Variants in ACSM5 observed in about 807,000 individuals in gnomAD.
ACSM5 encodes the protein acyl-coenzyme A synthetase ACSM5, mitochondrial.
ACSM5 carries 56 observed loss-of-function variants against 71.6 expected under a neutral mutation model. The observed-to-expected ratio is 0.78, with a 90% CI of 0.63 to 0.98. The LOEUF (loss-of-function observed/expected upper bound fraction) is 0.98. Among genes scored for constraint, ACSM5 ranks in the 50% least tolerant of loss-of-function variants. ACSM5 has a pLI of 0.00. For synonymous variants in ACSM5, 285 were observed against 281.5 expected, an observed-to-expected ratio of 1.01 and a Z score of -0.12; for missense variants, 723 against 726.0, an observed-to-expected ratio of 1.00 and a Z score of 0.05.
intron 12 of ACSM5, among the ~76,000 whole-genome samples, chr16:20,438,321 G>T (rs1390436718): frequency 2.0e-5 from 3 of 151,920 alleles, no homozygotes; most frequent in Admixed American, 6.6e-5. Flanking sequence ...CTCAAAGTCT[G>T]GTTCTTGGAC....
At chr16:20,430,795 A>G (rs138754323) in intron 8 of ACSM5, among the ~76,000 whole-genome samples, 198 bp from the exon 9 acceptor site, 12,522 of 150,740 alleles carry the variant, frequency 0.083, 648 homozygotes, top group East Asian at 0.18. Flanking sequence ...AGGAGTGAGC[A>G]AGGAAGAAAA....
chr16:20,418,044 T>A lies in ACSM5; in HGVS notation c.205-15T>A, dbSNP rs751668291. 4.3e-6 allele frequency: 7 copies of A among 1,609,652 alleles called. No homozygotes were observed. The highest frequency in any genetic ancestry group is 4.5e-5 in the East Asian group (2 of 44,856). ...TAAATTGCTTCTTTTTTTTTCTGCC[T>A]GTACCACCATCTAGGCTGGACACCG... On this transcript the variant is annotated splice_polypyrimidine_tract_variant and intron_variant, in intron 2 of 13. Coordinates refer to ENST00000331849, the MANE Select transcript of ACSM5 (RefSeq NM_017888.3).
At chr16:20,427,088 G>T (rs1307236824) in intron 6 of ACSM5, among the ~76,000 whole-genome samples, 1 of 151,830 alleles carries the variant, frequency 6.6e-6, no homozygotes, top group Non-Finnish European at 1.5e-5. Context: ...GAATCATGAG[G>T]TCAGGAGTTA....
At chr16:20,436,125 C>T (rs1346852932) in intron 10 of ACSM5, among the ~76,000 whole-genome samples, 35 of 81,590 alleles carry the variant, frequency 4.3e-4, no homozygotes, top group Admixed American at 1.9e-3. Flanking sequence ...TCTTTCTTTC[C>T]TTCCTTCCTT....
At chr16:20,414,403 G>A (rs2141639886) in intron 2 of ACSM5, among the ~76,000 whole-genome samples, 1 of 152,348 alleles carries the variant, frequency 6.6e-6, no homozygotes, top group East Asian at 1.9e-4. Flanking sequence ...TGGGAGTGAT[G>A]TGGGGCCACG....
chr16:20,413,307 C>G lies in ACSM5; in HGVS notation c.204+1619C>G, dbSNP rs139208746. 4.6e-5 allele frequency among the ~76,000 whole-genome samples: 7 copies of G among 152,238 alleles called. No individual in the cohort carries two copies. The East Asian group carries it at 9.6e-4, about 21-fold the overall frequency. On this transcript the variant is annotated intron_variant, in intron 2 of 13. Transcript: ENST00000331849. ...ATGTGGTAGCCTTGAAAAATAACAG[C>G]CCCCATTTCTGGTGCATCACGGCAA...
At chr16:20,433,840 A>AATTTT (rs1967145739) in intron 10 of ACSM5, among the ~76,000 whole-genome samples, 1 of 137,204 alleles carries the variant, frequency 7.3e-6, no homozygotes, top group African/African-American at 2.7e-5. Context: ...CACCTGGCTA[A>AATTTT]TTTTTTTTTT....
At chr16:20,438,508 A>C (rs8062842) in intron 12 of ACSM5, among the ~76,000 whole-genome samples, 41,447 of 149,388 alleles carry the variant, frequency 0.28, 6,549 homozygotes, top group East Asian at 0.55. Flanking sequence ...ATAATAAGGG[A>C]GGTGTGGAGT....
At chr16:20,414,467 C>T (rs1250972927) in intron 2 of ACSM5, among the ~76,000 whole-genome samples, 1 of 152,202 alleles carries the variant, frequency 6.6e-6, no homozygotes, top group Non-Finnish European at 1.5e-5. Context: ...GACACAGGTT[C>T]TCCACTAAAG....
intron 4 of ACSM5, among the ~76,000 whole-genome samples, chr16:20,420,212 TG>T (rs1315439770): frequency 1.3e-5 from 2 of 152,206 alleles, no homozygotes; most frequent in Non-Finnish European, 2.9e-5. Flanking sequence ...CAGATTCACC[TG>T]GCTGCTGTTT....
intron 8 of ACSM5, 75 bp from the exon 9 acceptor site, chr16:20,430,918 G>C: frequency 9.5e-7 from 1 of 1,048,390 alleles, no homozygotes; most frequent in East Asian, 2.4e-5. Flanking sequence ...TATCAGGCAG[G>C]GTGAGAGAAA....
intron 5 of ACSM5, among the ~76,000 whole-genome samples, chr16:20,422,018 G>A (rs778542215): frequency 8.5e-5 from 13 of 152,110 alleles, no homozygotes; most frequent in Non-Finnish European, 1.6e-4. Context: ...AGGTTCATCC[G>A]TGTCATAGCA....
Position 20,421,369 on chromosome 16 carries a change from C to T in ACSM5, c.735C>T (p.Ser245=), listed in dbSNP as rs920029144. The T allele has an allele frequency of 3.7e-6, 6 of 1,603,956 alleles. No homozygotes were observed. The highest frequency in any genetic ancestry group is 4.3e-6 in the Non-Finnish European group (5 of 1,174,428). Residue 245 remains serine (S), a synonymous_variant, in exon 5 of 14, where the codon AGC becomes AGT. Coordinates refer to ENST00000331849, the MANE Select transcript of ACSM5 (RefSeq NM_017888.3). ...CCAAGATGGTCGAGCACTCCCAGAG[C>T]AGCTACGGACTGGGTTTTGTGGCCA... The part of the protein sequence containing the change: ...GAPKMVEHSQ[S]SYGLGFVASG...
At position 20,429,696 on chromosome 16, in the gene ACSM5, G is replaced by T. The variant is rs1184947483; in HGVS notation, c.1020G>T (p.Leu340=). 6.2e-7 allele frequency: 1 copy of T among 1,613,980 alleles called. No homozygotes were observed. The highest frequency in any genetic ancestry group is 8.5e-7 in the Non-Finnish European group (1 of 1,179,930). Reference sequence around the variant, plus strand: ...GAGAAAGGTACCAGTTTCAGAGCCTGAGGCACTGTCTGACCGGAGGAGAGG... The same window carrying T: ...GAGAAAGGTACCAGTTTCAGAGCCTTAGGCACTGTCTGACCGGAGGAGAGG... The part of the protein sequence containing the change: ...EDLTRYQFQS[L]RHCLTGGEAL... Residue 340 remains leucine (L), a synonymous_variant, in exon 8 of 14, where the codon CTG becomes CTT. Transcript: ENST00000331849.
At chr16:20,420,336 C>G (rs910372648) in intron 4 of ACSM5, among the ~76,000 whole-genome samples, 1 of 152,216 alleles carries the variant, frequency 6.6e-6, no homozygotes, top group Non-Finnish European at 1.5e-5. Context: ...CGCCATGGCT[C>G]ACGCCTGTAA....
chr16:20,412,435 C>T (rs1966849492), intron 2 of ACSM5, among the ~76,000 whole-genome samples: 1 of 152,126 alleles, frequency 6.6e-6, no homozygotes, highest in Non-Finnish European at 1.5e-5. Context: ...CAGATCATAA[C>T]AGATACATAG....
At chr16:20,438,489 C>T (rs2141663455) in intron 12 of ACSM5, among the ~76,000 whole-genome samples, 1 of 151,710 alleles carries the variant, frequency 6.6e-6, no homozygotes, top group Non-Finnish European at 1.5e-5. Flanking sequence ...AATCCAAAGC[C>T]ATTAATGTAT....
chr16:20,440,369 AG>A lies in ACSM5; in HGVS notation c.1683del (p.Thr562ArgfsTer27). 1 of 1,605,224 alleles carries A rather than the reference AG, an allele frequency of 6.2e-7. No homozygotes were observed. Among genetic ancestry groups the A allele is most frequent in the East Asian group, 2.2e-5 (1 of 44,862 alleles). On this transcript the variant is annotated frameshift_variant, in exon 14 of 14. Coordinates refer to ENST00000331849, the MANE Select transcript of ACSM5 (RefSeq NM_017888.3). LOFTEE classifies it high-confidence loss of function. ...RKVAFVSELP[K>X]TVSGKIQRSK... is the part of the protein sequence containing the mutation. ...GTGGCCTTTGTTTCAGAACTGCCAA[AG>A]ACGGTTTCTGGAAAGATCCAAAGGA... is the stretch of plus-strand genomic sequence containing the variant.
At chr16:20,438,954 TAAAAAA>T (rs1275195181) in intron 12 of ACSM5, among the ~76,000 whole-genome samples, 2 of 92,724 alleles carry the variant, frequency 2.2e-5, no homozygotes. Flanking sequence ...GACTCTGTCT[TAAAAAA>T]AAAAAAAAAA....
Sources: gnomAD v4.1 joint callset for allele counts (sites outside exome capture counted in the v4.1 genomes callset) on GRCh38, gnomAD v4.1.1 for gene constraint, MANE v1.5 for transcripts, NCBI Gene and HGNC (gene_info 2026-07-23, HGNC 2026-07-21) for gene names.